The following ENOSF1 variants were observed in gnomAD, a reference collection of about 807,000 sequenced individuals.
ENOSF1 encodes the protein enolase superfamily member 1.
Under a neutral mutation model 68.2 loss-of-function variants are expected in ENOSF1, and 73 were observed. The observed-to-expected ratio is 1.07, with a 90% CI of 0.89 to 1.30. ENOSF1 has a LOEUF of 1.30. Ranked by LOEUF, ENOSF1 falls within the 50% of genes most tolerant of loss-of-function variation. The probability of loss-of-function intolerance (pLI) is 0.00; values close to 1 mark genes in which losing one functional copy is unlikely to be tolerated. For missense variants in ENOSF1, 589 were observed against 554.5 expected (o/e 1.06, Z -0.62); for synonymous variants, 223 against 210.4 (o/e 1.06, Z -0.52).
intron 13 of ENOSF1, 52 bp downstream of exon 13, chr18:677,691 C>A: frequency 6.3e-7 from 1 of 1,576,564 alleles, no homozygotes; most frequent in Non-Finnish European, 8.6e-7. Flanking sequence ...AGGGAGGTGT[C>A]TGATTAGTGG....
At chr18:667,233 A>T (rs200932742), downstream of ENOSF1, among the ~76,000 whole-genome samples, 748 of 12,708 alleles carry the variant, frequency 0.059, 7 homozygotes, top group East Asian at 0.16. Context: ...ATGGTGATGG[A>T]GATGGAGATG....
At chr18:669,794 T>C (rs565884949), downstream of ENOSF1, among the ~76,000 whole-genome samples, 3 of 152,090 alleles carry the variant, frequency 2.0e-5, 1 homozygote, top group South Asian at 6.2e-4. Flanking sequence ...TATTGTAAAA[T>C]TCAACTCTAC....
intron 1 of ENOSF1, among the ~76,000 whole-genome samples, chr18:710,721 A>G (rs1249795844): frequency 6.6e-6 from 1 of 152,192 alleles, no homozygotes; most frequent in Non-Finnish European, 1.5e-5. Flanking sequence ...CTTTACAGGT[A>G]TCTCATTTAC....
intron 1 of ENOSF1, among the ~76,000 whole-genome samples, chr18:712,015 G>T (rs1417190190): frequency 6.6e-6 from 1 of 152,140 alleles, no homozygotes; most frequent in African/African-American, 2.4e-5. Flanking sequence ...TCGCGTTCAG[G>T]GTACAGAGGA....
At chr18:664,368 A>G in the ENOSF1 span, among the ~76,000 whole-genome samples, 76,152 of 142,100 alleles carry the variant, frequency 0.54, 22,075 homozygotes, top group African/African-American at 0.77. Context: ...GATTGATTTT[A>G]TATCCTGAGA....
rs1486560507 is a variant in ENOSF1 at position 673,158 on chromosome 18, G to A, written c.*1147C>T. Reference sequence around the variant, plus strand: ...TTTAAGGATGTTGCCACTGGCAAATGTAACTGTGCCAGTTCTTTCCATAAT... The same window carrying A: ...TTTAAGGATGTTGCCACTGGCAAATATAACTGTGCCAGTTCTTTCCATAAT... On this transcript the variant is annotated 3_prime_UTR_variant, in exon 16 of 16. Coordinates refer to ENST00000647584, the MANE Select transcript of ENOSF1 (RefSeq NM_017512.7). 1 of 703,620 alleles carries A rather than the reference G, an allele frequency of 1.4e-6. No homozygotes were observed. Among genetic ancestry groups the A allele is most frequent in the Non-Finnish European group, 2.2e-6 (1 of 461,312 alleles). The allele number at this position is 703,620 out of a possible 1,614,324, so 43.6% of individuals were successfully genotyped here.
intron 5 of ENOSF1, 141 bp downstream of exon 5, chr18:693,741 A>C: frequency 1.4e-6 from 2 of 1,455,644 alleles, no homozygotes; most frequent in Non-Finnish European, 1.8e-6. Context: ...GGAATGTCAT[A>C]TTTTATTGGC....
In ENOSF1 at chr18:673,077, C is replaced by T; in HGVS notation, c.*1228G>A. The T allele has an allele frequency of 2.1e-6, 3 of 1,409,308 alleles. No individual in the cohort carries two copies. Among genetic ancestry groups the T allele is most frequent in the Non-Finnish European group, 1.9e-6 (2 of 1,061,366 alleles). 87.3% of individuals were successfully genotyped at this position (1,409,308 alleles called of 1,614,324 possible). ...TGCCGAGGTAAAAGTTCTTTTTGCTCTAAAAGAAAAAGGAACTAGGTCAAA... is the reference window on the plus strand; with the variant it reads ...TGCCGAGGTAAAAGTTCTTTTTGCTTTAAAAGAAAAAGGAACTAGGTCAAA... On this transcript the variant is annotated 3_prime_UTR_variant, in exon 16 of 16. Transcript: ENST00000647584.
chr18:693,647 G>A, intron 5 of ENOSF1: 4 of 985,384 alleles, frequency 4.1e-6, no homozygotes, highest in African/African-American at 1.7e-5. Flanking sequence ...TGCACAGTGG[G>A]GGAGGCAGGA....
intron 1 of ENOSF1, among the ~76,000 whole-genome samples, chr18:711,075 T>C (rs1463921058): frequency 6.6e-6 from 1 of 151,874 alleles, no homozygotes; most frequent in Non-Finnish European, 1.5e-5. Context: ...GAGGCTGAGG[T>C]GGGAGGATTG....
intron 12 of ENOSF1, chr18:678,487 T>C (rs1598536026): frequency 3.6e-6 from 2 of 560,056 alleles, no homozygotes; most frequent in Non-Finnish European, 6.3e-6. Context: ...TACCCGACCT[T>C]AGTCATATAA....
intron 9 of ENOSF1, 55 bp downstream of exon 9, chr18:688,519 T>A: frequency 1.2e-6 from 2 of 1,612,564 alleles, no homozygotes; most frequent in Non-Finnish European, 1.7e-6. Context: ...AGAGACTTAC[T>A]GCCTGAGTCT....
chr18:705,755 T>C (rs11875275), intron 2 of ENOSF1, among the ~76,000 whole-genome samples: 4,004 of 152,084 alleles, frequency 0.026, 189 homozygotes, highest in African/African-American at 0.092. Flanking sequence ...ACACCTGTAA[T>C]CCCAGCACTT....
intron 2 of ENOSF1, among the ~76,000 whole-genome samples, chr18:700,890 CAAAAAAAAAAA>C (rs71174273): frequency 1.5e-5 from 1 of 64,916 alleles, no homozygotes; most frequent in Non-Finnish European, 2.8e-5. Context: ...AACTCTGCCT[CAAAAAAAAAAA>C]AAAAAAAAAA....
At chr18:677,248 T>C in intron 14 of ENOSF1, 97 bp downstream of exon 14, 1 of 993,440 alleles carries the variant, frequency 1.0e-6, no homozygotes, top group South Asian at 1.4e-5. Flanking sequence ...GCGGACAAGG[T>C]CTTAGTGTGT....
chr18:665,411 C>CT (rs1283092446), downstream of ENOSF1, among the ~76,000 whole-genome samples: 283 of 151,402 alleles, frequency 1.9e-3, no homozygotes, highest in African/African-American at 6.6e-3. Context: ...TTCTCTTTTT[C>CT]TTTATTAGTC....
At chr18:690,343 A>T (rs541887356) in intron 8 of ENOSF1, among the ~76,000 whole-genome samples, 25 of 152,336 alleles carry the variant, frequency 1.6e-4, no homozygotes, top group African/African-American at 5.8e-4. Flanking sequence ...GGCTAGTTCC[A>T]GGTATGTGCT....
At chr18:704,401 C>T (rs2078691903) in intron 2 of ENOSF1, among the ~76,000 whole-genome samples, 1 of 133,404 alleles carries the variant, frequency 7.5e-6, no homozygotes, top group Non-Finnish European at 1.5e-5. Flanking sequence ...GCACTCCAGG[C>T]TGGGCAACAG....
At position 675,360 on chromosome 18, in the gene ENOSF1, A is replaced by G. The variant is rs1021934235; in HGVS notation, c.1191T>C (p.Tyr397=). Residue 397 remains tyrosine (Y), a synonymous_variant, in exon 15 of 16, where the codon TAT becomes TAC. Transcript: ENST00000647584. Reference sequence around the variant, plus strand: ...AGGAAGCCCGCTGGATCATCACGGGATACTTGAAATGCTCATGCAGGTGGT... The same window carrying G: ...AGGAAGCCCGCTGGATCATCACGGGGTACTTGAAATGCTCATGCAGGTGGT... The part of the protein sequence containing the change: ...YVDHLHEHFK[Y]PVMIQRASYM... 1 of 1,613,132 alleles carries G rather than the reference A, an allele frequency of 6.2e-7. No individual in the cohort carries two copies. Among genetic ancestry groups the G allele is most frequent in the East Asian group, 2.2e-5 (1 of 44,864 alleles).
Sources: gnomAD v4.1 joint callset for allele counts (sites outside exome capture counted in the v4.1 genomes callset) on GRCh38, gnomAD v4.1.1 for gene constraint, MANE v1.5 for transcripts, NCBI Gene and HGNC (gene_info 2026-07-23, HGNC 2026-07-21) for gene names.